Variants in ROBO1 observed in about 807,000 individuals in gnomAD.
The protein encoded by ROBO1 is roundabout guidance receptor 1, also known as roundabout homolog 1.
In ROBO1, 149 loss-of-function variants were observed where a neutral mutation model predicts 195.9. That is an observed-to-expected ratio of 0.76 (90% CI 0.67 to 0.87). The LOEUF is 0.87. ROBO1 is among the 40% of genes least tolerant of loss of function. The probability of loss-of-function intolerance (pLI) is 0.00; values close to 1 mark genes in which losing one functional copy is unlikely to be tolerated. For synonymous variants in ROBO1, 816 were observed against 733.2 expected, an observed-to-expected ratio of 1.11 and a Z score of -1.82; for missense variants, 1,933 against 2,068.3, an observed-to-expected ratio of 0.93 and a Z score of 1.27.
intron 4 of ROBO1, among the ~76,000 whole-genome samples, chr3:78,836,659 C>T (rs1254292980): frequency 6.6e-6 from 1 of 151,950 alleles, no homozygotes; most frequent in Admixed American, 6.6e-5. Flanking sequence ...GAACAACAAC[C>T]ATTTACTTTG....
chr3:78,695,522 G>C (rs965399891), intron 8 of ROBO1, among the ~76,000 whole-genome samples: 7 of 151,564 alleles, frequency 4.6e-5, no homozygotes, highest in Non-Finnish European at 1.5e-5. Context: ...CTACTTGGGA[G>C]GCTGAGGCAG....
At chr3:79,046,983 G>A (rs1269451457) in intron 3 of ROBO1, among the ~76,000 whole-genome samples, 6 of 152,128 alleles carry the variant, frequency 3.9e-5, no homozygotes, top group Non-Finnish European at 5.9e-5. Context: ...GCATCTAGAA[G>A]GAGAGGCCCC....
At chr3:78,610,958 A>T (rs1372769103) in intron 28 of ROBO1, among the ~76,000 whole-genome samples, 1 of 152,160 alleles carries the variant, frequency 6.6e-6, no homozygotes, top group Non-Finnish European at 1.5e-5. Context: ...CCACATAGTG[A>T]TATATAGTGC....
chr3:79,724,327 G>A (rs1702821468), intron 1 of ROBO1, among the ~76,000 whole-genome samples: 1 of 152,134 alleles, frequency 6.6e-6, no homozygotes, highest in South Asian at 2.1e-4. Context: ...ATATTGATTA[G>A]GTCTTCGTGT....
rs149908255 is a variant in ROBO1, at chr3:79,693,576, T to G, written c.-51+74176A>C. On this transcript the variant is annotated intron_variant, in intron 1 of 30. Coordinates refer to ENST00000464233, the MANE Select transcript of ROBO1 (RefSeq NM_002941.4). ...GTTTCCAAGTAGGTAGGGCTACAGTTGTACACTACCATGCTTGCCTAATTT... is the reference window on the plus strand; with the variant it reads ...GTTTCCAAGTAGGTAGGGCTACAGTGGTACACTACCATGCTTGCCTAATTT... Among the ~76,000 whole-genome samples, 606 of 151,700 alleles carry G rather than the reference T, an allele frequency of 4.0e-3. 8 individuals are homozygous for G. Among genetic ancestry groups the G allele is most frequent in the African/African-American group, 0.013 (519 of 41,362 alleles).
intron 2 of ROBO1, among the ~76,000 whole-genome samples, chr3:79,207,472 G>A (rs959112455): frequency 1.3e-5 from 2 of 152,044 alleles, no homozygotes; most frequent in African/African-American, 4.8e-5. Flanking sequence ...GACTGGAGCT[G>A]AGTGCATGGC....
chr3:78,929,012 C>G (rs2039366305), intron 4 of ROBO1, among the ~76,000 whole-genome samples: 1 of 152,058 alleles, frequency 6.6e-6, no homozygotes, highest in South Asian at 2.1e-4. Context: ...CCCATTTTCT[C>G]TTTAACTTTT....
At chr3:78,913,808 T>C (rs1377217132) in intron 4 of ROBO1, among the ~76,000 whole-genome samples, 7 of 152,316 alleles carry the variant, frequency 4.6e-5, no homozygotes, top group African/African-American at 1.4e-4. Flanking sequence ...AAACTTTTCT[T>C]AAAGGAAAGC....
chr3:79,649,425 A>G (rs938788653), intron 1 of ROBO1, among the ~76,000 whole-genome samples: 28 of 152,102 alleles, frequency 1.8e-4, no homozygotes, highest in African/African-American at 5.6e-4. Context: ...CTTCCCATTT[A>G]TAGACTACAT....
At chr3:79,348,792 A>C (rs2109255677) in intron 2 of ROBO1, among the ~76,000 whole-genome samples, 1 of 152,328 alleles carries the variant, frequency 6.6e-6, no homozygotes, top group East Asian at 1.9e-4. Flanking sequence ...GCATAGGCAA[A>C]GGTAATGATT....
intron 5 of ROBO1, among the ~76,000 whole-genome samples, chr3:78,738,980 G>C (rs1256407087): frequency 6.6e-6 from 1 of 152,062 alleles, no homozygotes; most frequent in African/African-American, 2.4e-5. Flanking sequence ...TGTAGACATA[G>C]AGAATATTTG....
At chr3:79,016,923 A>G (rs1344341468) in intron 3 of ROBO1, among the ~76,000 whole-genome samples, 2 of 152,144 alleles carry the variant, frequency 1.3e-5, no homozygotes, top group Non-Finnish European at 2.9e-5. Context: ...ATTTGCATCC[A>G]TAGCTAGGGG....
At chr3:78,690,552 G>A (rs2081149584) in intron 8 of ROBO1, among the ~76,000 whole-genome samples, 1 of 152,008 alleles carries the variant, frequency 6.6e-6, no homozygotes, top group South Asian at 2.1e-4. Flanking sequence ...GGGCATCACT[G>A]CTTGGGGATT....
chr3:78,712,593 A>G (rs149632548), intron 8 of ROBO1, among the ~76,000 whole-genome samples: 18 of 152,234 alleles, frequency 1.2e-4, no homozygotes, highest in African/African-American at 4.3e-4. Context: ...TTTTATTTTA[A>G]TATTGAATAA....
chr3:78,668,541 A>C lies in ROBO1; in HGVS notation c.1573T>G (p.Cys525Gly). The C allele has an allele frequency of 6.2e-7, 1 of 1,613,876 alleles. No individual in the cohort carries two copies. Residue 525 changes from cysteine to glycine, a missense_variant, in exon 12 of 31, where the codon TGC (cysteine) becomes GGC (glycine). Cys to Gly is a radical substitution (Grantham distance 159, BLOSUM62 -3). Transcript: ENST00000464233. The stretch of plus-strand genomic sequence containing the variant: ...TCACCACTGGGGGTTGATGCAATGC[A>C]GGTGTACCGACCAGTATCACCCAGC... ...AKLGDTGRYT[C>G]IASTPSGEAT...
At chr3:78,729,350 A>G (rs936479608) in intron 5 of ROBO1, among the ~76,000 whole-genome samples, 2 of 152,200 alleles carry the variant, frequency 1.3e-5, no homozygotes, top group African/African-American at 2.4e-5. Context: ...TCTCTATCCA[A>G]TGTATATCAC....
intron 9 of ROBO1, among the ~76,000 whole-genome samples, chr3:78,686,767 A>G (rs531386742): frequency 6.6e-6 from 1 of 152,328 alleles, no homozygotes; most frequent in South Asian, 2.1e-4. Context: ...TCTGTTAGCT[A>G]TCCATCATAA....
intron 2 of ROBO1, among the ~76,000 whole-genome samples, chr3:79,483,635 T>G (rs1022416777): frequency 6.6e-6 from 1 of 152,172 alleles, no homozygotes; most frequent in African/African-American, 2.4e-5. Flanking sequence ...TACTAAATGC[T>G]GTAAAGAATT....
At chr3:79,287,247 G>A (rs947082498) in intron 2 of ROBO1, among the ~76,000 whole-genome samples, 1 of 152,060 alleles carries the variant, frequency 6.6e-6, no homozygotes, top group Non-Finnish European at 1.5e-5. Context: ...CATTTTGGAT[G>A]TATCTATCCT....
Sources: gnomAD v4.1 joint callset for allele counts (sites outside exome capture counted in the v4.1 genomes callset) on GRCh38, gnomAD v4.1.1 for gene constraint, MANE v1.5 for transcripts, NCBI Gene and HGNC (gene_info 2026-07-23, HGNC 2026-07-21) for gene names.